Variants in ARL15 observed in about 807,000 individuals in gnomAD.
The protein encoded by ARL15 is ADP-ribosylation factor-like protein 15.
In ARL15, 19 loss-of-function variants were observed where a neutral mutation model predicts 25.2. That is an observed-to-expected ratio of 0.75 (90% CI 0.53 to 1.10). The LOEUF (loss-of-function observed/expected upper bound fraction) is 1.10. ARL15 is among the 50% of genes least tolerant of loss of function. The pLI is 0.00. For missense variants in ARL15, 220 were observed against 246.0 expected, an observed-to-expected ratio of 0.89 and a Z score of 0.71; for synonymous variants, 94 against 86.8, an observed-to-expected ratio of 1.08 and a Z score of -0.46.
At chr5:54,305,511 C>T (rs1561302694) in intron 1 of ARL15, among the ~76,000 whole-genome samples, 1 of 152,088 alleles carries the variant, frequency 6.6e-6, no homozygotes, top group East Asian at 1.9e-4. Context: ...AGTAGTTTCC[C>T]CTCATCCATG....
At chr5:53,976,281 G>A (rs1172621131) in intron 4 of ARL15, among the ~76,000 whole-genome samples, 1 of 152,164 alleles carries the variant, frequency 6.6e-6, no homozygotes, top group Non-Finnish European at 1.5e-5. Flanking sequence ...GAGTAGAAAG[G>A]AAGTACATGC....
At chr5:54,025,803 C>T (rs952164702) in intron 4 of ARL15, among the ~76,000 whole-genome samples, 5 of 152,158 alleles carry the variant, frequency 3.3e-5, no homozygotes, top group Admixed American at 1.3e-4. Context: ...TAATAATTTC[C>T]GGGAGGATTT....
intron 1 of ARL15, among the ~76,000 whole-genome samples, chr5:54,190,584 A>G (rs559088965): frequency 1.4e-4 from 22 of 152,320 alleles, no homozygotes; most frequent in East Asian, 1.2e-3. Context: ...ACATCTTCAC[A>G]TGGCAGAAGA....
At chr5:54,119,349 C>T (rs1275120763) in intron 3 of ARL15, among the ~76,000 whole-genome samples, 2 of 152,190 alleles carry the variant, frequency 1.3e-5, no homozygotes, top group Admixed American at 6.6e-5. Context: ...ACCTTCTGCA[C>T]GTTTTGATGC....
intron 4 of ARL15, among the ~76,000 whole-genome samples, chr5:54,036,879 C>CACATCTTAATAA (rs1254946253): frequency 6.6e-6 from 1 of 151,982 alleles, no homozygotes; most frequent in African/African-American, 2.4e-5. Context: ...GCAATTTTAG[C>CACATCTTAATAA]ACATCTTAAT....
intron 2 of ARL15, among the ~76,000 whole-genome samples, chr5:54,155,680 TCA>T (rs58416810): frequency 4.0e-4 from 60 of 150,024 alleles, no homozygotes; most frequent in East Asian, 1.2e-3. Context: ...ATATACCCAT[TCA>T]CACACACACA....
chr5:53,941,408 G>T (rs1385537669), intron 4 of ARL15, among the ~76,000 whole-genome samples: 1 of 152,160 alleles, frequency 6.6e-6, no homozygotes, highest in African/African-American at 2.4e-5. Flanking sequence ...GGTCGGGTAA[G>T]TTCATACAGA....
intron 4 of ARL15, among the ~76,000 whole-genome samples, chr5:53,947,872 G>T (rs574068270): frequency 6.6e-6 from 1 of 152,140 alleles, no homozygotes; most frequent in Non-Finnish European, 1.5e-5. Flanking sequence ...AAAGAAAGGG[G>T]GAGGGCTGGG....
At chr5:54,052,212 G>A (rs1311737809) in intron 4 of ARL15, among the ~76,000 whole-genome samples, 1 of 152,038 alleles carries the variant, frequency 6.6e-6, no homozygotes, top group East Asian at 1.9e-4. Flanking sequence ...GTAGATGTAA[G>A]ACATTAAGTA....
chr5:54,165,166 T>C (rs1754528376), intron 2 of ARL15, among the ~76,000 whole-genome samples: 1 of 152,100 alleles, frequency 6.6e-6, no homozygotes, highest in Non-Finnish European at 1.5e-5. Flanking sequence ...TTTGTGCTAT[T>C]GTTCTCAGGC....
Position 54,060,157 on chromosome 5 carries a change from G to A in ARL15, c.462+53045C>T, listed in dbSNP as rs369871366. On this transcript the variant is annotated intron_variant, in intron 4 of 4. Coordinates refer to ENST00000504924, the MANE Select transcript of ARL15 (RefSeq NM_019087.3). ...AAAAAAAAAAAAAAAAAAAAACCCC[G>A]GGTGCGGTGTCTCACACCTGTAATC... 1.1e-3 allele frequency among the ~76,000 whole-genome samples: 153 copies of A among 137,254 alleles called. 1 individual carries two copies. The highest frequency in any genetic ancestry group is 3.7e-3 in the Middle Eastern group (1 of 272). 90.0% of individuals were successfully genotyped at this position (137,254 alleles called of 152,430 possible). A position where few individuals can be genotyped will look rare whatever the true frequency, so the allele number is the denominator to read the frequency against.
intron 4 of ARL15, among the ~76,000 whole-genome samples, chr5:53,900,931 T>C (rs1040944148): frequency 5.9e-5 from 9 of 152,202 alleles, no homozygotes; most frequent in African/African-American, 1.2e-4. Context: ...AAGACCCACA[T>C]AGGACACTTA....
At chr5:54,229,093 G>A (rs1267671803) in intron 1 of ARL15, among the ~76,000 whole-genome samples, 3 of 152,004 alleles carry the variant, frequency 2.0e-5, no homozygotes, top group Non-Finnish European at 4.4e-5. Context: ...CTGCTTGACT[G>A]AGTCGTCTCA....
At chr5:54,022,859 C>G (rs1026182733) in intron 4 of ARL15, among the ~76,000 whole-genome samples, 2 of 152,158 alleles carry the variant, frequency 1.3e-5, no homozygotes, top group African/African-American at 4.8e-5. Context: ...GTTCCCTTCA[C>G]CCCTATGCCC....
chr5:54,242,155 AC>A (rs1756974616), intron 1 of ARL15, among the ~76,000 whole-genome samples: 1 of 152,010 alleles, frequency 6.6e-6, no homozygotes, highest in Non-Finnish European at 1.5e-5. Flanking sequence ...TTTAACCTGT[AC>A]ACGTACACAC....
intron 1 of ARL15, among the ~76,000 whole-genome samples, chr5:54,301,491 A>G (rs1438001567): frequency 6.6e-6 from 1 of 152,208 alleles, no homozygotes; most frequent in Non-Finnish European, 1.5e-5. Context: ...TCATTTAAAG[A>G]TCACCAGAAT....
At chr5:54,026,844 G>T (rs1749799334) in intron 4 of ARL15, among the ~76,000 whole-genome samples, 1 of 152,148 alleles carries the variant, frequency 6.6e-6, no homozygotes, top group African/African-American at 2.4e-5. Flanking sequence ...GCATTTGAGG[G>T]TTGTGAGAAA....
At chr5:54,127,269 G>A (rs972712084) in intron 3 of ARL15, among the ~76,000 whole-genome samples, 1 of 152,098 alleles carries the variant, frequency 6.6e-6, no homozygotes, top group Non-Finnish European at 1.5e-5. Flanking sequence ...TTGGTTCCAA[G>A]TCTTTGCTAT....
chr5:54,157,973 A>G (rs571335191), intron 2 of ARL15, among the ~76,000 whole-genome samples: 1 of 152,342 alleles, frequency 6.6e-6, no homozygotes, highest in Non-Finnish European at 1.5e-5. Context: ...TAGTCATTCT[A>G]AACATTTGAA....
Sources: gnomAD v4.1 joint callset for allele counts (sites outside exome capture counted in the v4.1 genomes callset) on GRCh38, gnomAD v4.1.1 for gene constraint, MANE v1.5 for transcripts, NCBI Gene and HGNC (gene_info 2026-07-23, HGNC 2026-07-21) for gene names.